The following HCRTR1 variants were observed in gnomAD, a reference collection of about 807,000 sequenced individuals.
The protein encoded by HCRTR1 is orexin/Hypocretin receptor type 1.
In HCRTR1, 28 loss-of-function variants were observed where a neutral mutation model predicts 40.6. The observed-to-expected ratio is 0.69, with a 90% CI of 0.51 to 0.95. HCRTR1 has a LOEUF of 0.95. Among genes scored for constraint, HCRTR1 ranks in the 40% least tolerant of loss-of-function variants. HCRTR1 has a pLI of 0.00. For missense variants in HCRTR1, 482 were observed against 564.7 expected, an observed-to-expected ratio of 0.85 and a Z score of 1.48; for synonymous variants, 209 against 230.0, an observed-to-expected ratio of 0.91 and a Z score of 0.83.
At chr1:31,633,124 C>T (rs1394382425), downstream of HCRTR1, 1 of 1,593,368 alleles carries the variant, frequency 6.3e-7, no homozygotes, top group South Asian at 1.1e-5. Flanking sequence ...GTGGCTCTGC[C>T]CCAGCTCAGG....
At chr1:31,631,148 G>A (rs531353437), downstream of HCRTR1, among the ~76,000 whole-genome samples, 29 of 152,138 alleles carry the variant, frequency 1.9e-4, no homozygotes, top group South Asian at 3.3e-3. Context: ...TCTCTGATTC[G>A]TTTGCATTCC....
At chr1:31,634,101 C>G (rs988967283), downstream of HCRTR1, among the ~76,000 whole-genome samples, 2 of 152,196 alleles carry the variant, frequency 1.3e-5, no homozygotes, top group Non-Finnish European at 2.9e-5. Flanking sequence ...GAAACCACTG[C>G]CTAGTACCAA....
chr1:31,630,402 C>G, downstream of HCRTR1: 2 of 586,428 alleles, frequency 3.4e-6, no homozygotes, highest in South Asian at 2.0e-5. Context: ...TCTCCTCCAT[C>G]AGGCCCCTAT....
At position 31,619,436 on chromosome 1, in the gene HCRTR1, G is replaced by A. The variant is rs199933785; in HGVS notation, c.199+45G>A. ...GGCAGTGCTGCCGGCTTTCCCTGGG[G>A]ATTGAAGGGGGTTGTGTGGGAGGAG... is the stretch of plus-strand genomic sequence containing the variant. On this transcript the variant is annotated intron_variant, in intron 3 of 8. Coordinates refer to ENST00000403528, the MANE Select transcript of HCRTR1 (RefSeq NM_001525.3). 43 of 1,612,692 alleles carry A rather than the reference G, an allele frequency of 2.7e-5. No individual in the cohort carries two copies. In the Admixed American group the frequency reaches 5.0e-4, roughly 19 times the overall value.
At chr1:31,624,896 G>A in intron 7 of HCRTR1, 101 bp from the exon 8 acceptor site, 1 of 1,290,332 alleles carries the variant, frequency 7.7e-7, no homozygotes, top group Non-Finnish European at 1.0e-6. Flanking sequence ...GTGGGCAGTA[G>A]GAACTCTTGC....
At chr1:31,623,847 C>G in intron 7 of HCRTR1, 98 bp downstream of exon 7, 1 of 845,090 alleles carries the variant, frequency 1.2e-6, no homozygotes, top group Non-Finnish European at 1.9e-6. Context: ...CCCTTCTCCA[C>G]TATGTGATCT....
chr1:31,632,573 T>C (rs369403984), downstream of HCRTR1: 7 of 1,614,180 alleles, frequency 4.3e-6, no homozygotes, highest in Admixed American at 1.7e-5. Flanking sequence ...CACTGCTGGA[T>C]GAATTTCCAC....
downstream of HCRTR1, chr1:31,633,249 T>C (rs777861045): frequency 1.2e-5 from 19 of 1,613,958 alleles, no homozygotes; most frequent in East Asian, 4.2e-4. Context: ...ATATAGCCAC[T>C]GTGATCTGAG....
chr1:31,628,725 C>A (rs956811059), downstream of HCRTR1, among the ~76,000 whole-genome samples: 4 of 152,196 alleles, frequency 2.6e-5, no homozygotes, highest in African/African-American at 7.2e-5. Flanking sequence ...GGCCTCAGCC[C>A]TCCACTCTGG....
downstream of HCRTR1, among the ~76,000 whole-genome samples, chr1:31,633,979 C>G (rs1640188749): frequency 6.6e-6 from 1 of 151,158 alleles, no homozygotes; most frequent in Non-Finnish European, 1.5e-5. Context: ...CAAAAAAACC[C>G]AAAAAAAACA....
At chr1:31,619,828 C>T in intron 4 of HCRTR1, 118 bp downstream of exon 4, 1 of 912,528 alleles carries the variant, frequency 1.1e-6, no homozygotes, top group Non-Finnish European at 1.6e-6. Context: ...TGGCTCATGA[C>T]CCCTGAAGTG....
chr1:31,630,662 C>A, downstream of HCRTR1: 1 of 1,613,230 alleles, frequency 6.2e-7, no homozygotes, highest in Non-Finnish European at 8.5e-7. Flanking sequence ...GAAGCTGAGC[C>A]GAATGTTGCC....
downstream of HCRTR1, among the ~76,000 whole-genome samples, chr1:31,634,086 G>A (rs1399459126): frequency 6.6e-6 from 1 of 152,188 alleles, no homozygotes; most frequent in African/African-American, 2.4e-5. Flanking sequence ...CAGTTGTGGA[G>A]GACAGAAACC....
chr1:31,623,483 T>A (rs1444418603), intron 6 of HCRTR1, 40 bp from the exon 7 acceptor site: 1 of 1,568,748 alleles, frequency 6.4e-7, no homozygotes, highest in South Asian at 1.2e-5. Context: ...CCTCCCAAGG[T>A]GCTGTACCCA....
chr1:31,633,226 C>T (rs757856977), downstream of HCRTR1: 1 of 1,614,008 alleles, frequency 6.2e-7, no homozygotes, highest in Non-Finnish European at 8.5e-7. Context: ...CCTGCTTTAG[C>T]TCCTTCATGG....
At chr1:31,618,434 G>T (rs1176479213) in intron 1 of HCRTR1, among the ~76,000 whole-genome samples, 2 of 152,192 alleles carry the variant, frequency 1.3e-5, no homozygotes, top group East Asian at 3.9e-4. Flanking sequence ...CACTGTGTGT[G>T]TGTTGTATGT....
rs933537427 is a variant in HCRTR1 at position 31,625,549 on chromosome 1, G to A, written c.1087+431G>A. 3.3e-5 allele frequency among the ~76,000 whole-genome samples: 5 copies of A among 152,212 alleles called. No individual in the cohort carries two copies. Among genetic ancestry groups the A allele is most frequent in the Non-Finnish European group, 7.3e-5 (5 of 68,036 alleles). ...CAGTCCAGGTGTCAGGGCTAAAGTA[G>A]GGTCACTCTGAGAGACAAGCCAGGC... is the stretch of plus-strand genomic sequence containing the variant. On this transcript the variant is annotated intron_variant, in intron 8 of 8. Transcript: ENST00000403528. The surrounding 1 kb of genome is among the most constrained non-coding windows in gnomAD (Gnocchi z 4.2).
intron 7 of HCRTR1, among the ~76,000 whole-genome samples, chr1:31,624,278 A>G (rs529416184): frequency 3.3e-5 from 5 of 152,136 alleles, no homozygotes; most frequent in African/African-American, 1.2e-4. Flanking sequence ...GGGCAACATA[A>G]TGAGACTTCG....
intron 5 of HCRTR1, 120 bp downstream of exon 5, chr1:31,621,206 C>T: frequency 7.4e-7 from 1 of 1,350,800 alleles, no homozygotes. Flanking sequence ...CAGGTATTTC[C>T]CTAGGGGACA....
Sources: gnomAD v4.1 joint callset for allele counts (sites outside exome capture counted in the v4.1 genomes callset) on GRCh38, gnomAD v4.1.1 for gene constraint, Gnocchi (gnomAD v3.1) non-coding constraint, MANE v1.5 for transcripts, NCBI Gene and HGNC (gene_info 2026-07-23, HGNC 2026-07-21) for gene names.